The following NAALADL2 variants were observed in gnomAD, a reference collection of about 807,000 sequenced individuals.
NAALADL2 encodes the protein N-acetylated alpha-linked acidic dipeptidase like 2.
A neutral mutation model predicts 87.2 loss-of-function variants in NAALADL2; 76 were observed. The ratio of observed to expected loss-of-function variants is 0.87; its 90% confidence interval spans 0.72 to 1.05. NAALADL2 has a LOEUF of 1.05. NAALADL2 is among the 50% of genes least tolerant of loss of function. The pLI is 0.00. For synonymous variants in NAALADL2, 354 were observed against 331.0 expected (o/e 1.07, Z -0.75); for missense variants, 1,089 against 945.8 (o/e 1.15, Z -1.99).
chr3:175,213,408 G>A (rs186349567), intron 2 of NAALADL2, among the ~76,000 whole-genome samples: 3 of 152,152 alleles, frequency 2.0e-5, no homozygotes, highest in African/African-American at 7.2e-5. Context: ...AGACCACAGG[G>A]TCACCAGTGT....
chr3:175,369,192 G>A (rs188618674), intron 5 of NAALADL2, among the ~76,000 whole-genome samples: 10 of 152,250 alleles, frequency 6.6e-5, no homozygotes, highest in Non-Finnish European at 8.8e-5. Context: ...TGAGCAAAAT[G>A]TCATCATGCA....
chr3:175,726,188 A>G (rs1289051927), intron 11 of NAALADL2, among the ~76,000 whole-genome samples: 5 of 150,518 alleles, frequency 3.3e-5, no homozygotes, highest in Non-Finnish European at 5.9e-5. Flanking sequence ...CTGTAAATAT[A>G]TTTTCTCAAC....
chr3:174,904,016 T>A (rs1732655796), intron 1 of NAALADL2, among the ~76,000 whole-genome samples: 1 of 151,668 alleles, frequency 6.6e-6, no homozygotes, highest in Admixed American at 6.6e-5. Flanking sequence ...TATATCTGTA[T>A]CTATTTGAGT....
chr3:175,006,783 A>T (rs1287172680), intron 1 of NAALADL2, among the ~76,000 whole-genome samples: 1 of 151,688 alleles, frequency 6.6e-6, no homozygotes, highest in Admixed American at 6.6e-5. Context: ...TCCTTTGTCA[A>T]ATTATTATTA....
At chr3:175,041,623 A>G (rs1754084165) in intron 1 of NAALADL2, among the ~76,000 whole-genome samples, 1 of 152,076 alleles carries the variant, frequency 6.6e-6, no homozygotes, top group South Asian at 2.1e-4. Flanking sequence ...TTTCCTTAAC[A>G]TGTTTATACA....
chr3:175,507,018 C>T (rs536931761), intron 9 of NAALADL2, among the ~76,000 whole-genome samples: 2 of 152,198 alleles, frequency 1.3e-5, no homozygotes, highest in South Asian at 4.1e-4. Context: ...CTCTGCACAT[C>T]CTCTTCTCCC....
intron 3 of NAALADL2, among the ~76,000 whole-genome samples, chr3:174,761,798 T>C (rs1710236): frequency 0.45 from 62,191 of 139,072 alleles, 13,643 homozygotes; most frequent in Middle Eastern, 0.57. Flanking sequence ...TGTGATGTTC[T>C]CCTTCCTGTG....
chr3:174,866,645 A>G (rs1357264614), intron 1 of NAALADL2, among the ~76,000 whole-genome samples: 1 of 151,784 alleles, frequency 6.6e-6, no homozygotes, highest in East Asian at 1.9e-4. Flanking sequence ...TGAAGGGTTC[A>G]GTGCAGTTAC....
chr3:174,824,649 C>T (rs1721788947), intron 3 of NAALADL2, among the ~76,000 whole-genome samples: 1 of 152,122 alleles, frequency 6.6e-6, no homozygotes, highest in South Asian at 2.1e-4. Context: ...GAAGCTAAAA[C>T]TGACTAGATA....
At chr3:175,623,247 G>A (rs368165830) in intron 10 of NAALADL2, among the ~76,000 whole-genome samples, 2 of 147,768 alleles carry the variant, frequency 1.4e-5, no homozygotes, top group African/African-American at 2.5e-5. Context: ...GAATTTATTT[G>A]TAGCTAACCC....
intron 3 of NAALADL2, among the ~76,000 whole-genome samples, chr3:174,787,051 A>G (rs1396872847): frequency 2.4e-5 from 2 of 81,932 alleles, no homozygotes; most frequent in Non-Finnish European, 5.1e-5. Context: ...AAATTATTAT[A>G]TTATTATATT....
chr3:175,282,679 A>G lies in NAALADL2; in HGVS notation c.939+26149A>G, dbSNP rs372399616. On this transcript the variant is annotated intron_variant, in intron 4 of 13. Coordinates refer to ENST00000454872, the MANE Select transcript of NAALADL2 (RefSeq NM_207015.3). Reference sequence around the variant, plus strand: ...AAGTTTTTATAAGGAAAGTTTGAGTAATATTTATTACATTTATTCAACAAC... The same window carrying G: ...AAGTTTTTATAAGGAAAGTTTGAGTGATATTTATTACATTTATTCAACAAC... 2.0e-5 allele frequency among the ~76,000 whole-genome samples: 3 copies of G among 152,164 alleles called. No individual in the cohort carries two copies. In the East Asian group the frequency reaches 5.8e-4, roughly 29 times the overall value.
chr3:174,945,217 C>T (rs1447149739), intron 1 of NAALADL2, among the ~76,000 whole-genome samples: 2 of 152,166 alleles, frequency 1.3e-5, no homozygotes, highest in African/African-American at 4.8e-5. Flanking sequence ...GAGCCAAGCA[C>T]TTTTTCAAAC....
intron 3 of NAALADL2, among the ~76,000 whole-genome samples, chr3:174,814,007 G>A (rs541170679): frequency 1.2e-4 from 19 of 152,046 alleles, no homozygotes; most frequent in East Asian, 3.9e-4. Context: ...ATAATGATAC[G>A]TATTTCATAT....
chr3:174,768,011 A>G (rs2109096784), intron 3 of NAALADL2, among the ~76,000 whole-genome samples: 1 of 152,298 alleles, frequency 6.6e-6, no homozygotes, highest in South Asian at 2.1e-4. Context: ...CTGTTACCTC[A>G]ATTCGAATAT....
intron 2 of NAALADL2, among the ~76,000 whole-genome samples, chr3:175,215,901 T>C (rs1742446256): frequency 6.6e-6 from 1 of 152,146 alleles, no homozygotes. Context: ...CTAATAAACA[T>C]ACTTCTGAAG....
At chr3:174,988,879 C>T (rs953329637) in intron 1 of NAALADL2, among the ~76,000 whole-genome samples, 1 of 152,178 alleles carries the variant, frequency 6.6e-6, no homozygotes, top group Non-Finnish European at 1.5e-5. Context: ...GCTATAAAAA[C>T]TACCTGAGGC....
intron 1 of NAALADL2, among the ~76,000 whole-genome samples, chr3:175,011,280 C>G (rs28497596): frequency 0.042 from 4,777 of 113,216 alleles, 253 homozygotes; most frequent in African/African-American, 0.16. Flanking sequence ...GACAGAGAGA[C>G]AGAGAGAGAG....
chr3:175,730,405 T>TATATATATATATAG (rs1743530544), intron 11 of NAALADL2, among the ~76,000 whole-genome samples: 6 of 56,352 alleles, frequency 1.1e-4, no homozygotes, highest in Non-Finnish European at 1.7e-4. Context: ...GATATATATA[T>TATATATATATATAG]ATATATATAT....
Sources: allele counts gnomAD v4.1 joint callset (sites outside exome capture counted in the v4.1 genomes callset), GRCh38; gene constraint gnomAD v4.1.1; transcripts MANE v1.5; gene names NCBI Gene and HGNC (gene_info 2026-07-23, HGNC 2026-07-21).